Variants in SPRED1 observed in about 807,000 individuals in gnomAD.
The protein encoded by SPRED1 is sprouty related EVH1 domain containing 1.
In SPRED1, 18 loss-of-function variants were observed where a neutral mutation model predicts 52.3. The observed-to-expected ratio is 0.34, with a 90% confidence interval of 0.24 to 0.51. The LOEUF (loss-of-function observed/expected upper bound fraction) is 0.51, where lower values mean the gene tolerates loss of function less well. SPRED1 is among the 20% of genes least tolerant of loss of function. SPRED1 has a pLI of 0.97. For missense variants in SPRED1, 485 were observed against 551.0 expected (o/e 0.88, Z 1.20); for synonymous variants, 155 against 179.7 (o/e 0.86, Z 1.10).
At chr15:38,279,497 T>G (rs749070470) in intron 1 of SPRED1, among the ~76,000 whole-genome samples, 1 of 152,216 alleles carries the variant, frequency 6.6e-6, no homozygotes, top group African/African-American at 2.4e-5. Context: ...TGTATGTGGT[T>G]TTGTGCCAAA....
At chr15:38,337,374 A>T (rs1020669988) in intron 4 of SPRED1, among the ~76,000 whole-genome samples, 2 of 152,108 alleles carry the variant, frequency 1.3e-5, no homozygotes, top group Non-Finnish European at 2.9e-5. Flanking sequence ...TATACTTTGC[A>T]TTTTCAAACA....
At chr15:38,268,940 CT>C (rs66775738) in intron 1 of SPRED1, among the ~76,000 whole-genome samples, 77,496 of 121,728 alleles carry the variant, frequency 0.64, 24,690 homozygotes, top group Non-Finnish European at 0.75. Flanking sequence ...TAACTTTTTT[CT>C]TTTTTTTTTT....
chr15:38,303,684 T>C (rs1895193920), intron 2 of SPRED1, among the ~76,000 whole-genome samples: 1 of 151,762 alleles, frequency 6.6e-6, no homozygotes, highest in South Asian at 2.1e-4. Context: ...TAATAAAATA[T>C]TATAAATTTG....
In SPRED1 at chr15:38,356,960, G is replaced by A. The variant is rs1888635037; in HGVS notation, c.*5296G>A. Reference sequence around the variant, plus strand: ...TTAATTATGAAATGTAGTCTCATGTGCTTATTTACAGGTTTTTCAGAATTT... The same window carrying A: ...TTAATTATGAAATGTAGTCTCATGTACTTATTTACAGGTTTTTCAGAATTT... On this transcript the variant is annotated 3_prime_UTR_variant, in exon 7 of 7. Transcript: ENST00000299084. 6.6e-6 allele frequency: 1 copy of A among 152,104 alleles called. No homozygotes were observed. The highest frequency in any genetic ancestry group is 1.5e-5 in the Non-Finnish European group (1 of 67,982). 9.4% of individuals were successfully genotyped at this position (152,104 alleles called of 1,614,324 possible).
At chr15:38,255,993 C>T (rs1217107916) in intron 1 of SPRED1, among the ~76,000 whole-genome samples, 2 of 45,822 alleles carry the variant, frequency 4.4e-5, no homozygotes, top group Non-Finnish European at 1.5e-4. Flanking sequence ...TCCTCGAGTA[C>T]ATGCTTATTA....
At chr15:38,310,533 A>G (rs544605230) in intron 2 of SPRED1, among the ~76,000 whole-genome samples, 3 of 152,340 alleles carry the variant, frequency 2.0e-5, no homozygotes, top group African/African-American at 7.2e-5. Flanking sequence ...CTGTGGATCA[A>G]CTTGGGGAGA....
rs1467604866 is a variant in SPRED1, at chr15:38,356,868, CTAGAA to C, written c.*5207_*5211del. The C allele has an allele frequency of 2.6e-5, 4 of 152,022 alleles. No individual in the cohort carries two copies. Among genetic ancestry groups the C allele is most frequent in the Admixed American group, 6.5e-5 (1 of 15,270 alleles). 9.4% of individuals were successfully genotyped at this position (152,022 alleles called of 1,614,324 possible). On this transcript the variant is annotated 3_prime_UTR_variant, in exon 7 of 7. Transcript: ENST00000299084. ...TAAAAAATTATAGTGTATCTCAACACTAGAATAAGTTGGATTACTATATTATAGTT... is the reference window on the plus strand; with the variant it reads ...TAAAAAATTATAGTGTATCTCAACACTAAGTTGGATTACTATATTATAGTT...
chr15:38,294,642 A>T (rs1335273399), intron 1 of SPRED1, among the ~76,000 whole-genome samples: 1 of 152,222 alleles, frequency 6.6e-6, no homozygotes, highest in Non-Finnish European at 1.5e-5. Flanking sequence ...AGAAAGACAG[A>T]TAATTTATTT....
intron 5 of SPRED1, among the ~76,000 whole-genome samples, chr15:38,347,995 T>A (rs1896176473): frequency 6.6e-6 from 1 of 152,068 alleles, no homozygotes; most frequent in African/African-American, 2.4e-5. Context: ...TCATAGACCC[T>A]GTTGACTCAG....
intron 1 of SPRED1, among the ~76,000 whole-genome samples, chr15:38,270,668 G>A (rs1400223123): frequency 6.6e-6 from 1 of 152,176 alleles, no homozygotes. Context: ...GGGGTAGTCT[G>A]CCCCTCTTTC....
chr15:38,321,602 T>G (rs1895602450), intron 2 of SPRED1, among the ~76,000 whole-genome samples: 1 of 152,124 alleles, frequency 6.6e-6, no homozygotes, highest in South Asian at 2.1e-4. Flanking sequence ...TTTTGTTTTG[T>G]TTTGTTTTTG....
intron 1 of SPRED1, among the ~76,000 whole-genome samples, chr15:38,289,005 C>T (rs8029728): frequency 0.78 from 117,935 of 152,074 alleles, 47,127 homozygotes; most frequent in Non-Finnish European, 0.87. Flanking sequence ...TAACTTCCTT[C>T]GGAATTTAAA....
chr15:38,354,723 A>G lies in SPRED1; in HGVS notation c.*3059A>G, dbSNP rs899730470. ...AAGATTTTAAGCACTTTTTTCTTAC[A>G]TATCCTGTTTTAAAATATTTGTTGA... is the stretch of plus-strand genomic sequence containing the variant. On this transcript the variant is annotated 3_prime_UTR_variant, in exon 7 of 7. Coordinates refer to ENST00000299084, the MANE Select transcript of SPRED1 (RefSeq NM_152594.3). 1 of 152,152 alleles carries G rather than the reference A, an allele frequency of 6.6e-6. No homozygotes were observed. Among genetic ancestry groups the G allele is most frequent in the African/African-American group, 2.4e-5 (1 of 41,436 alleles). The allele number at this position is 152,152 out of a possible 1,614,324, so 9.4% of individuals were successfully genotyped here.
intron 1 of SPRED1, among the ~76,000 whole-genome samples, chr15:38,260,089 A>G (rs1247618089): frequency 6.6e-6 from 1 of 152,240 alleles, no homozygotes; most frequent in Non-Finnish European, 1.5e-5. Context: ...GTGACAGCAA[A>G]TGTGTTAGTT....
intron 1 of SPRED1, among the ~76,000 whole-genome samples, chr15:38,271,689 A>G (rs1400696616): frequency 6.6e-6 from 1 of 152,222 alleles, no homozygotes; most frequent in Non-Finnish European, 1.5e-5. Context: ...ATTCCCTGCT[A>G]GAGGAAATAC....
At chr15:38,271,856 C>T (rs1894441566) in intron 1 of SPRED1, among the ~76,000 whole-genome samples, 2 of 152,070 alleles carry the variant, frequency 1.3e-5, no homozygotes, top group South Asian at 4.1e-4. Context: ...AACCTGTCAC[C>T]CAGGTAGTAA....
intron 1 of SPRED1, among the ~76,000 whole-genome samples, chr15:38,272,324 A>C (rs1894454001): frequency 7.3e-6 from 1 of 137,394 alleles, no homozygotes; most frequent in Admixed American, 8.2e-5. Flanking sequence ...GCTGGAGTGC[A>C]GTGGTGCAAT....
chr15:38,291,288 G>A (rs1453026618), intron 1 of SPRED1, among the ~76,000 whole-genome samples: 1 of 152,212 alleles, frequency 6.6e-6, no homozygotes, highest in African/African-American at 2.4e-5. Context: ...CTCTGCCCAT[G>A]TGGTTTTGTA....
intron 1 of SPRED1, among the ~76,000 whole-genome samples, chr15:38,288,702 A>AG (rs1894859929): frequency 6.6e-6 from 1 of 152,196 alleles, no homozygotes; most frequent in Non-Finnish European, 1.5e-5. Flanking sequence ...GTGGTCAGAG[A>AG]GGTATAGCCT....
Sources: allele counts gnomAD v4.1 joint callset (sites outside exome capture counted in the v4.1 genomes callset), GRCh38; gene constraint gnomAD v4.1.1; transcripts MANE v1.5; gene names NCBI Gene and HGNC (gene_info 2026-07-23, HGNC 2026-07-21).